Variants in DCAF6 observed in about 807,000 individuals in gnomAD.
DCAF6 encodes DDB1- and CUL4-associated factor 6.
In DCAF6, 54 loss-of-function variants were observed where a neutral mutation model predicts 125.1. The ratio of observed to expected loss-of-function variants is 0.43; its 90% CI spans 0.35 to 0.54. The LOEUF (loss-of-function observed/expected upper bound fraction) is 0.54. Ranked by LOEUF, DCAF6 falls within the 20% of genes least tolerant of loss-of-function variation. DCAF6 has a pLI of 0.01. For synonymous variants in DCAF6, 371 were observed against 390.4 expected (o/e 0.95, Z 0.58); for missense variants, 934 against 1,161.7 (o/e 0.80, Z 2.85).
chr1:167,894,629 G>GTA, the DCAF6 span, among the ~76,000 whole-genome samples: 1 of 152,130 alleles, frequency 6.6e-6, no homozygotes, highest in African/African-American at 2.4e-5. Flanking sequence ...ATGTGTGTGT[G>GTA]TGTGTGTGTT....
At chr1:167,905,251 C>T in the DCAF6 span, 2 of 1,290,066 alleles carry the variant, frequency 1.6e-6, no homozygotes, top group Non-Finnish European at 1.1e-6. Flanking sequence ...TGCTCATTTT[C>T]CTATTGCTCT....
the DCAF6 span, among the ~76,000 whole-genome samples, chr1:167,907,127 A>C: frequency 6.6e-6 from 1 of 152,200 alleles, no homozygotes; most frequent in Non-Finnish European, 1.5e-5. Flanking sequence ...CAGATACTGA[A>C]AGAACTGACA....
intron 12 of DCAF6, among the ~76,000 whole-genome samples, chr1:168,037,256 T>C (rs115990438): frequency 0.011 from 1,695 of 152,232 alleles, 29 homozygotes; most frequent in African/African-American, 0.037. Flanking sequence ...AAGTCCTTCA[T>C]TGCAATAGAA....
the DCAF6 span, among the ~76,000 whole-genome samples, chr1:167,889,744 C>A: frequency 5.3e-5 from 8 of 152,138 alleles, no homozygotes; most frequent in Non-Finnish European, 1.2e-4. Context: ...TTTTAGATTT[C>A]TTCAGGGTCC....
At chr1:167,975,532 G>GA (rs1424367608) in intron 4 of DCAF6, among the ~76,000 whole-genome samples, 2 of 152,234 alleles carry the variant, frequency 1.3e-5, no homozygotes, top group East Asian at 3.9e-4. Flanking sequence ...ATGTGGTTCA[G>GA]AAAAAATGTA....
At chr1:167,896,742 C>A in the DCAF6 span, 12 of 1,271,868 alleles carry the variant, frequency 9.4e-6, no homozygotes, top group South Asian at 1.4e-4. Flanking sequence ...ACTGTTTAAT[C>A]CTTTGAAGTG....
At chr1:168,011,917 G>T (rs1316809962) in intron 10 of DCAF6, among the ~76,000 whole-genome samples, 1 of 152,080 alleles carries the variant, frequency 6.6e-6, no homozygotes, top group African/African-American at 2.4e-5. Context: ...AGGTTGCAGT[G>T]AGCCGAGATC....
chr1:167,867,397 T>C, the DCAF6 span, among the ~76,000 whole-genome samples: 1 of 152,216 alleles, frequency 6.6e-6, no homozygotes, highest in South Asian at 2.1e-4. Context: ...GGACTTCAAC[T>C]GACCTTCCTC....
the DCAF6 span, among the ~76,000 whole-genome samples, chr1:167,898,679 T>A: frequency 6.6e-6 from 1 of 152,056 alleles, no homozygotes; most frequent in Non-Finnish European, 1.5e-5. Flanking sequence ...AGGCTGGATA[T>A]GTCTTGCTGG....
chr1:168,007,228 C>A (rs1683456522), intron 10 of DCAF6, among the ~76,000 whole-genome samples: 1 of 152,190 alleles, frequency 6.6e-6, no homozygotes, highest in African/African-American at 2.4e-5. Context: ...TAGTTGCTAT[C>A]CCTTTCCAGC....
At chr1:168,063,914 C>CTA (rs923116503) in intron 18 of DCAF6, 155 bp downstream of exon 18, 2 of 646,292 alleles carry the variant, frequency 3.1e-6, no homozygotes, top group Admixed American at 8.1e-5. Flanking sequence ...TCTTTTAGCC[C>CTA]TATAATATAT....
At chr1:168,021,062 C>G (rs777466961) in intron 11 of DCAF6, among the ~76,000 whole-genome samples, 2 of 152,096 alleles carry the variant, frequency 1.3e-5, no homozygotes, top group Non-Finnish European at 2.9e-5. Context: ...ATTTTAAATA[C>G]TTCAAGAGTT....
At chr1:168,011,865 T>C (rs1684336317) in intron 10 of DCAF6, among the ~76,000 whole-genome samples, 1 of 151,924 alleles carries the variant, frequency 6.6e-6, no homozygotes, top group East Asian at 1.9e-4. Flanking sequence ...CCCAGCTACT[T>C]GGGAGGCTGA....
the DCAF6 span, among the ~76,000 whole-genome samples, chr1:167,925,470 T>C: frequency 1.5e-4 from 16 of 107,770 alleles, no homozygotes; most frequent in East Asian, 2.5e-3. Context: ...TATATATATA[T>C]ATATACATAT....
At chr1:168,044,247 TA>T (rs942253346) in intron 14 of DCAF6, among the ~76,000 whole-genome samples, 1 of 152,162 alleles carries the variant, frequency 6.6e-6, no homozygotes, top group Non-Finnish European at 1.5e-5. Context: ...TTTACTTTTC[TA>T]AAAAAATCTG....
chr1:167,954,891 A>G (rs970624000), intron 2 of DCAF6, among the ~76,000 whole-genome samples: 3 of 152,180 alleles, frequency 2.0e-5, no homozygotes, highest in African/African-American at 7.2e-5. Context: ...ATCATCCCCT[A>G]AAAGTTTGCC....
At chr1:167,905,289 G>A in the DCAF6 span, 10 of 1,000,406 alleles carry the variant, frequency 1.0e-5, no homozygotes, top group African/African-American at 4.8e-5. Context: ...TCTAACCTGC[G>A]GCCTGCTTAT....
the DCAF6 span, chr1:167,904,888 AG>A: frequency 6.8e-7 from 1 of 1,481,386 alleles, no homozygotes; most frequent in Non-Finnish European, 9.4e-7. Flanking sequence ...TGACAGCCCA[AG>A]GGCTCCAGAA....
At chr1:168,031,302 T>C (rs1454734548) in intron 12 of DCAF6, among the ~76,000 whole-genome samples, 1 of 152,122 alleles carries the variant, frequency 6.6e-6, no homozygotes, top group Non-Finnish European at 1.5e-5. Context: ...AAGAAGCAAC[T>C]AGAGAGGTGG....
Sources: gnomAD v4.1 joint callset for allele counts (sites outside exome capture counted in the v4.1 genomes callset) on GRCh38, gnomAD v4.1.1 for gene constraint, MANE v1.5 for transcripts, NCBI Gene and HGNC (gene_info 2026-07-23, HGNC 2026-07-21) for gene names.